TLK1: variants seen among roughly 807,000 people sequenced by gnomAD.
TLK1 encodes the protein tousled like kinase 1, also known as serine/threonine-protein kinase tousled-like 1.
Under a neutral mutation model 105.3 loss-of-function variants are expected in TLK1, and 24 were observed. The observed-to-expected ratio is 0.23, with a 90% CI of 0.17 to 0.32. The LOEUF is 0.32. TLK1 is among the 10% of genes least tolerant of loss of function. The pLI, the probability that TLK1 is intolerant of heterozygous loss-of-function variation, is 1.00. For missense variants in TLK1, 558 were observed against 910.5 expected (o/e 0.61, Z 4.98); for synonymous variants, 321 against 310.4 (o/e 1.03, Z -0.36).
At position 171,160,537 on chromosome 2, in the gene TLK1, G is replaced by A; in HGVS notation, c.-109C>T. ...GGCCGCGCTGAGGGCGAGCGAGAGAGCGAGGGCTGGGAGGGGAGAGTCAAG... is the reference window on the plus strand; with the variant it reads ...GGCCGCGCTGAGGGCGAGCGAGAGAACGAGGGCTGGGAGGGGAGAGTCAAG... On this transcript the variant is annotated 5_prime_UTR_variant, in exon 1 of 21. Transcript: ENST00000431350. This position sits in a 1 kb window ranked among gnomAD's most constrained non-coding sequence, Gnocchi z 4.4. The A allele has an allele frequency of 3.9e-6, 6 of 1,546,244 alleles. 1 individual carries two copies. The South Asian group carries it at 5.9e-5, about 15-fold the overall frequency.
chr2:171,093,534 CT>C (rs1405195084), intron 2 of TLK1, among the ~76,000 whole-genome samples: 2 of 152,220 alleles, frequency 1.3e-5, no homozygotes, highest in African/African-American at 2.4e-5. Flanking sequence ...CACAAATAGG[CT>C]GTTCAAAGTA....
At chr2:171,228,101 A>T (rs1158046519) in intron 1 of TLK1, among the ~76,000 whole-genome samples, 1 of 152,182 alleles carries the variant, frequency 6.6e-6, no homozygotes. Flanking sequence ...ACTTGAACCC[A>T]GGAGGCAGAG....
chr2:171,006,811 C>T lies in TLK1; in HGVS notation c.1587G>A (p.Leu529=). The change falls in exon 16 of 21, where the codon TTG becomes TTA. Residue 529 remains leucine (L), a synonymous_variant. Coordinates refer to ENST00000431350, the MANE Select transcript of TLK1 (RefSeq NM_012290.5). The part of the protein sequence containing the change: ...RIVKLYDYFS[L]DTDTFCTVLE... ...TAATATTCACTTACGTATCTGTATCCAAGGAGAAATAATCATAGAGTTTAA... is the reference window on the plus strand; with the variant it reads ...TAATATTCACTTACGTATCTGTATCTAAGGAGAAATAATCATAGAGTTTAA... The T allele has an allele frequency of 6.2e-7, 1 of 1,612,624 alleles. No individual in the cohort carries two copies.
intron 13 of TLK1, among the ~76,000 whole-genome samples, 183 bp downstream of exon 13, chr2:171,014,668 G>T (rs927855802): frequency 6.6e-6 from 1 of 152,158 alleles, no homozygotes; most frequent in African/African-American, 2.4e-5. Context: ...ATGTTTAAGA[G>T]AAGTGAGGAC....
chr2:171,168,017 CT>C (rs763034660), intron 1 of TLK1, among the ~76,000 whole-genome samples: 46 of 151,832 alleles, frequency 3.0e-4, no homozygotes, highest in Admixed American at 7.9e-4. Context: ...CTAAATTTTA[CT>C]GATTAAACCA....
chr2:171,169,686 G>A (rs1692689459), intron 1 of TLK1, among the ~76,000 whole-genome samples: 1 of 152,096 alleles, frequency 6.6e-6, no homozygotes, highest in Non-Finnish European at 1.5e-5. Flanking sequence ...TATAGGAATA[G>A]CAAGTACTTT....
At chr2:171,092,735 G>C (rs1435627030) in intron 2 of TLK1, among the ~76,000 whole-genome samples, 11 of 152,068 alleles carry the variant, frequency 7.2e-5, no homozygotes, top group Non-Finnish European at 1.5e-5. Context: ...CAGACTAAAA[G>C]CATCTGAGGG....
chr2:170,999,355 A>C (rs1253674885), intron 18 of TLK1, among the ~76,000 whole-genome samples: 5 of 152,202 alleles, frequency 3.3e-5, no homozygotes. Context: ...CCAATAACTC[A>C]TTTGTAATGC....
At chr2:171,117,002 G>C (rs1476362649) in intron 2 of TLK1, among the ~76,000 whole-genome samples, 2 of 152,158 alleles carry the variant, frequency 1.3e-5, no homozygotes, top group Non-Finnish European at 2.9e-5. Context: ...ACTCATCACA[G>C]TTTGAGGTAG....
At chr2:171,186,073 A>G (rs928754045) in intron 1 of TLK1, among the ~76,000 whole-genome samples, 2 of 152,222 alleles carry the variant, frequency 1.3e-5, no homozygotes, top group Non-Finnish European at 2.9e-5. Flanking sequence ...TGACTTTGGG[A>G]TGCTTCCAAA....
chr2:171,171,389 G>C (rs561976174), intron 1 of TLK1, among the ~76,000 whole-genome samples: 1 of 151,978 alleles, frequency 6.6e-6, no homozygotes, highest in Middle Eastern at 3.4e-3. Flanking sequence ...AGGATGCTGG[G>C]TGCAGTGGTA....
chr2:171,196,037 C>CA (rs71013021), intron 1 of TLK1, among the ~76,000 whole-genome samples: 1,551 of 111,950 alleles, frequency 0.014, 83 homozygotes, highest in African/African-American at 0.045. Flanking sequence ...GACTCTGTAT[C>CA]AAAAAAAAAA....
chr2:171,036,500 G>C (rs1206192046), intron 11 of TLK1, among the ~76,000 whole-genome samples: 1 of 152,220 alleles, frequency 6.6e-6, no homozygotes, highest in Non-Finnish European at 1.5e-5. Flanking sequence ...CCAAAAGGCA[G>C]AAGCACAGAA....
At chr2:171,119,687 T>C (rs1332875238) in intron 1 of TLK1, among the ~76,000 whole-genome samples, 3 of 152,192 alleles carry the variant, frequency 2.0e-5, no homozygotes, top group Non-Finnish European at 4.4e-5. Context: ...CGTGAAATGA[T>C]TTTCAGTAAG....
chr2:171,177,957 C>T (rs1258379384), intron 1 of TLK1, among the ~76,000 whole-genome samples: 1 of 152,062 alleles, frequency 6.6e-6, no homozygotes, highest in Non-Finnish European at 1.5e-5. Context: ...CCACACCTGG[C>T]TAATTTTGTA....
intron 12 of TLK1, among the ~76,000 whole-genome samples, chr2:171,017,346 G>A (rs1685256954): frequency 6.6e-6 from 1 of 152,174 alleles, no homozygotes; most frequent in Admixed American, 6.5e-5. Flanking sequence ...TGTCACATGT[G>A]TAGGAAGCTA....
At chr2:171,024,017 G>C (rs1685658904) in intron 12 of TLK1, among the ~76,000 whole-genome samples, 1 of 152,112 alleles carries the variant, frequency 6.6e-6, no homozygotes, top group Admixed American at 6.6e-5. Flanking sequence ...GATAAAATAG[G>C]ATCATTTAGA....
chr2:171,123,057 T>TACACACACACACACAC lies in TLK1; in HGVS notation c.140-5216_140-5201dup, dbSNP rs71008752. Among the ~76,000 whole-genome samples the TACACACACACACACAC allele has an allele frequency of 2.8e-3, 389 of 141,318 alleles. 2 individuals are homozygous for TACACACACACACACAC. Among genetic ancestry groups the TACACACACACACACAC allele is most frequent in the Admixed American group, 6.6e-3 (92 of 13,922 alleles). 92.7% of individuals were successfully genotyped at this position (141,318 alleles called of 152,430 possible). On this transcript the variant is annotated intron_variant, in intron 1 of 20. Coordinates refer to ENST00000431350, the MANE Select transcript of TLK1 (RefSeq NM_012290.5). ...CTATATGAAAAAATAAATAAATAAA[T>TACACACACACACACAC]ACACACACACACACACACACACACA...
chr2:171,050,469 T>C (rs754112094), intron 8 of TLK1, among the ~76,000 whole-genome samples: 1 of 152,188 alleles, frequency 6.6e-6, no homozygotes, highest in Non-Finnish European at 1.5e-5. Flanking sequence ...AGCTTTCTTA[T>C]TTCTAAATAG....
Sources: allele counts gnomAD v4.1 joint callset (sites outside exome capture counted in the v4.1 genomes callset), GRCh38; gene constraint gnomAD v4.1.1; non-coding constraint Gnocchi (gnomAD v3.1); transcripts MANE v1.5; gene names NCBI Gene and HGNC (gene_info 2026-07-23, HGNC 2026-07-21).